Variants in SYT16 observed in about 807,000 individuals in gnomAD.
SYT16 encodes the protein synaptotagmin 16.
A neutral mutation model predicts 61.4 loss-of-function variants in SYT16; 42 were observed. That is an observed-to-expected ratio of 0.68 (90% CI 0.53 to 0.89). The LOEUF (loss-of-function observed/expected upper bound fraction) is 0.89. SYT16 is among the 40% of genes least tolerant of loss of function. SYT16 has a pLI of 0.00. For synonymous variants in SYT16, 314 were observed against 302.3 expected, an observed-to-expected ratio of 1.04 and a Z score of -0.40; for missense variants, 804 against 807.3, an observed-to-expected ratio of 1.00 and a Z score of 0.05.
intron 1 of SYT16, among the ~76,000 whole-genome samples, chr14:61,852,708 G>A (rs2046653029): frequency 6.6e-6 from 1 of 152,070 alleles, no homozygotes; most frequent in Non-Finnish European, 1.5e-5. Context: ...TTCATGATTT[G>A]GCTCTCTGCT....
intron 3 of SYT16, among the ~76,000 whole-genome samples, chr14:61,998,002 ATAAT>A (rs895493121): frequency 2.0e-5 from 3 of 151,962 alleles, no homozygotes; most frequent in East Asian, 1.9e-4. Flanking sequence ...AGATCAAATA[ATAAT>A]TAACGATGGA....
At chr14:61,987,469 G>C (rs2140587810) in intron 2 of SYT16, among the ~76,000 whole-genome samples, 1 of 152,296 alleles carries the variant, frequency 6.6e-6, no homozygotes, top group East Asian at 1.9e-4. Flanking sequence ...TCATTTAAGA[G>C]ACTGTTGAAG....
chr14:61,859,869 T>G (rs937760644), intron 1 of SYT16, among the ~76,000 whole-genome samples: 5 of 152,160 alleles, frequency 3.3e-5, no homozygotes, highest in African/African-American at 1.2e-4. Flanking sequence ...TGAAGGCATC[T>G]TAAGGTTCTA....
At chr14:61,894,612 C>A (rs868698075) in intron 1 of SYT16, among the ~76,000 whole-genome samples, 1 of 152,096 alleles carries the variant, frequency 6.6e-6, no homozygotes, top group Non-Finnish European at 1.5e-5. Flanking sequence ...GATGGCTGGG[C>A]ACCCTCATTT....
rs564498566 is a variant in SYT16, at chr14:61,942,412, G to A, written c.-324-27720G>A. ...GCTAGTTTACCATGTTGGAGAAGAGGCTCTATTCAATCTTCACTCTCTTTA... is the reference window on the plus strand; with the variant it reads ...GCTAGTTTACCATGTTGGAGAAGAGACTCTATTCAATCTTCACTCTCTTTA... On this transcript the variant is annotated intron_variant, in intron 1 of 7. Transcript: ENST00000683842. Among the ~76,000 whole-genome samples, 105 of 152,146 alleles carry A rather than the reference G, an allele frequency of 6.9e-4. 2 individuals are homozygous for A. Among genetic ancestry groups the A allele is most frequent in the Admixed American group, 8.5e-4 (13 of 15,272 alleles).
intron 1 of SYT16, among the ~76,000 whole-genome samples, chr14:61,834,457 C>T (rs1443852180): frequency 2.0e-5 from 2 of 100,008 alleles, no homozygotes; most frequent in Non-Finnish European, 3.6e-5. Context: ...TTTTTTGAGA[C>T]AGAGTCTTGC....
rs1168560486 is a variant in SYT16 at position 61,947,587 on chromosome 14, G to A, written c.-324-22545G>A. On this transcript the variant is annotated intron_variant, in intron 1 of 7. Transcript: ENST00000683842. Reference sequence around the variant, plus strand: ...GACAGTTTACTGATAGGGTTATTGTGCATAAAATGACTTAAAGCAAAATGT... The same window carrying A: ...GACAGTTTACTGATAGGGTTATTGTACATAAAATGACTTAAAGCAAAATGT... Among the ~76,000 whole-genome samples, 3 of 152,036 alleles carry A rather than the reference G, an allele frequency of 2.0e-5. No individual in the cohort carries two copies. The East Asian group carries it at 5.8e-4, about 29-fold the overall frequency.
chr14:62,004,925 T>C (rs539828097), intron 3 of SYT16, among the ~76,000 whole-genome samples: 68 of 152,288 alleles, frequency 4.5e-4, no homozygotes, highest in African/African-American at 1.6e-3. Flanking sequence ...TCCCTTGACA[T>C]CACCTAAATG....
intron 2 of SYT16, among the ~76,000 whole-genome samples, chr14:61,988,860 G>C (rs2052428925): frequency 6.9e-6 from 1 of 144,390 alleles, no homozygotes; most frequent in Admixed American, 7.2e-5. Context: ...TTTATTTCTA[G>C]TTTCTTCACT....
intron 1 of SYT16, among the ~76,000 whole-genome samples, chr14:61,881,206 T>C (rs749382911): frequency 6.6e-5 from 10 of 152,246 alleles, no homozygotes; most frequent in Non-Finnish European, 1.2e-4. Context: ...ATATTTCCAG[T>C]AACATACAAA....
intron 1 of SYT16, among the ~76,000 whole-genome samples, chr14:61,932,456 A>G (rs889943821): frequency 1.3e-5 from 2 of 152,360 alleles, no homozygotes; most frequent in African/African-American, 4.8e-5. Flanking sequence ...GGAAGCAGGC[A>G]CATCTTACAT....
intron 1 of SYT16, among the ~76,000 whole-genome samples, chr14:61,940,788 G>T (rs1387414624): frequency 6.6e-6 from 1 of 152,134 alleles, no homozygotes; most frequent in Non-Finnish European, 1.5e-5. Flanking sequence ...CCCACATAGT[G>T]GTGGGGCAGG....
intron 3 of SYT16, among the ~76,000 whole-genome samples, chr14:62,016,539 C>CAA (rs10610233): frequency 2.2e-4 from 21 of 97,264 alleles, no homozygotes; most frequent in South Asian, 3.6e-4. Context: ...TCTAAAAATA[C>CAA]AAAAAAAAAA....
At chr14:62,008,686 A>T (rs553629298) in intron 3 of SYT16, among the ~76,000 whole-genome samples, 34 of 150,474 alleles carry the variant, frequency 2.3e-4, no homozygotes, top group African/African-American at 7.3e-4. Context: ...ATATAACATA[A>T]TTTTGCATGT....
At chr14:62,085,655 GTATCTTGT>G (rs2056860864) in intron 7 of SYT16, among the ~76,000 whole-genome samples, 1 of 152,132 alleles carries the variant, frequency 6.6e-6, no homozygotes, top group Non-Finnish European at 1.5e-5. Context: ...TGGAATGGGG[GTATCTTGT>G]TAGTCAACTT....
At chr14:61,886,166 A>G (rs1255081721) in intron 1 of SYT16, among the ~76,000 whole-genome samples, 1 of 151,882 alleles carries the variant, frequency 6.6e-6, no homozygotes, top group African/African-American at 2.4e-5. Context: ...GAGTTTCACC[A>G]TGTTGGCCAG....
chr14:61,936,486 C>G lies in SYT16; in HGVS notation c.-324-33646C>G, dbSNP rs1195982872. 2.6e-5 allele frequency among the ~76,000 whole-genome samples: 4 copies of G among 152,060 alleles called. No homozygotes were observed. The South Asian group carries it at 6.2e-4, about 24-fold the overall frequency. ...CAAGGCGGCTAATGAGTTCACTAAT[C>G]ATCAGTGGTAACGTCACAGAAATAC... On this transcript the variant is annotated intron_variant, in intron 1 of 7. Coordinates refer to ENST00000683842, the MANE Select transcript of SYT16 (RefSeq NM_001367656.1).
intron 7 of SYT16, among the ~76,000 whole-genome samples, chr14:62,098,310 A>T (rs1305601646): frequency 6.6e-6 from 1 of 152,232 alleles, no homozygotes; most frequent in Non-Finnish European, 1.5e-5. Flanking sequence ...AATTTGGGAA[A>T]CACCCTAACA....
At chr14:61,937,867 G>T (rs1310230235) in intron 1 of SYT16, among the ~76,000 whole-genome samples, 1 of 152,102 alleles carries the variant, frequency 6.6e-6, no homozygotes, top group Admixed American at 6.6e-5. Context: ...ATGTGTCTAT[G>T]TGTCAATCAC....
Sources: gnomAD v4.1 joint callset for allele counts (sites outside exome capture counted in the v4.1 genomes callset) on GRCh38, gnomAD v4.1.1 for gene constraint, MANE v1.5 for transcripts, NCBI Gene and HGNC (gene_info 2026-07-23, HGNC 2026-07-21) for gene names.